TOP2B: variants seen among roughly 807,000 people sequenced by gnomAD.
TOP2B encodes the protein DNA topoisomerase II beta, also known as DNA topoisomerase 2-beta.
Under a neutral mutation model 193.5 loss-of-function variants are expected in TOP2B, and 51 were observed. The ratio of observed to expected loss-of-function variants is 0.26; its 90% CI spans 0.21 to 0.33. TOP2B has a LOEUF of 0.33. TOP2B is among the 10% of genes least tolerant of loss of function. The pLI is 1.00. For synonymous variants in TOP2B, 634 were observed against 635.7 expected, an observed-to-expected ratio of 1.00 and a Z score of 0.04; for missense variants, 1,378 against 1,909.3, an observed-to-expected ratio of 0.72 and a Z score of 5.19.
intron 1 of TOP2B, among the ~76,000 whole-genome samples, chr3:25,651,765 G>C (rs1703596727): frequency 6.6e-6 from 1 of 151,902 alleles, no homozygotes; most frequent in Admixed American, 6.6e-5. Flanking sequence ...TACTCGGGAG[G>C]CTGAGGCAGA....
chr3:25,634,698 C>T (rs1251390036), intron 7 of TOP2B, among the ~76,000 whole-genome samples: 1 of 151,112 alleles, frequency 6.6e-6, no homozygotes, highest in Non-Finnish European at 1.5e-5. Context: ...CTAGAGGTTT[C>T]CCCTCTGCAC....
chr3:25,628,809 T>C (rs1702878545), intron 15 of TOP2B, 38 bp downstream of exon 15: 1 of 1,213,978 alleles, frequency 8.2e-7, no homozygotes, highest in Non-Finnish European at 1.2e-6. Flanking sequence ...AATACATTTA[T>C]ATCAGTATTT....
Position 25,609,557 on chromosome 3 carries a change from T to C in TOP2B, c.3931+11A>G. The C allele has an allele frequency of 6.2e-7, 1 of 1,604,194 alleles. No individual in the cohort carries two copies. Among genetic ancestry groups the C allele is most frequent in the Non-Finnish European group, 8.5e-7 (1 of 1,174,942 alleles). ...CTCTCACACACATGCAAAACTATAATCATTTCTCACCAGGCTCCTTCTTCT... is the reference window on the plus strand; with the variant it reads ...CTCTCACACACATGCAAAACTATAACCATTTCTCACCAGGCTCCTTCTTCT... On this transcript the variant is annotated intron_variant, in intron 29 of 35. Coordinates refer to ENST00000264331, the MANE Select transcript of TOP2B (RefSeq NM_001330700.2).
At chr3:25,653,698 G>A (rs1360756141) in intron 1 of TOP2B, among the ~76,000 whole-genome samples, 1 of 152,116 alleles carries the variant, frequency 6.6e-6, no homozygotes, top group Non-Finnish European at 1.5e-5. Flanking sequence ...CCAAAGTGCT[G>A]GGATTACAGG....
At chr3:25,655,882 G>A (rs1421000704) in intron 1 of TOP2B, among the ~76,000 whole-genome samples, 3 of 152,196 alleles carry the variant, frequency 2.0e-5, no homozygotes, top group Non-Finnish European at 4.4e-5. Context: ...GCTGGGGGGA[G>A]AGGGAATTAG....
chr3:25,618,687 T>A lies in TOP2B; in HGVS notation c.3226A>T (p.Ile1076Phe), dbSNP rs1702577076. ...STKLNNQARF[I>F]LEKIQGKITI... ...ATTTTCCCTTGTATCTTCTCTAAAA[T>A]GAAACGGGCTTGATTGTTAAGCTTT... The change falls in exon 24 of 36, where the codon ATT becomes TTT. Residue 1076 changes from isoleucine to phenylalanine, a missense_variant. Ile to Phe is a conservative substitution (Grantham distance 21). Around this residue, in one of 9 missense-constraint regions of TOP2B, gnomAD observed 379 missense variants for 615.1 expected, o/e 0.62. Coordinates refer to ENST00000264331, the MANE Select transcript of TOP2B (RefSeq NM_001330700.2). 1 of 1,612,252 alleles carries A rather than the reference T, an allele frequency of 6.2e-7. No individual in the cohort carries two copies.
At chr3:25,633,098 T>C (rs926384018) in intron 8 of TOP2B, among the ~76,000 whole-genome samples, 7 of 152,068 alleles carry the variant, frequency 4.6e-5, no homozygotes, top group African/African-American at 1.7e-4. Context: ...TGTAATTCAA[T>C]TTTGATACTA....
intron 33 of TOP2B, 86 bp downstream of exon 33, chr3:25,604,674 T>A: frequency 8.8e-7 from 1 of 1,134,332 alleles, no homozygotes; most frequent in South Asian, 1.4e-5. Context: ...GATAAAAAAA[T>A]GCAAATAGTT....
chr3:25,614,804 T>A (rs904464561), intron 27 of TOP2B, among the ~76,000 whole-genome samples: 1 of 152,038 alleles, frequency 6.6e-6, no homozygotes, highest in Admixed American at 6.6e-5. Context: ...AAAAACTATG[T>A]TATAACAATC....
intron 33 of TOP2B, among the ~76,000 whole-genome samples, chr3:25,602,166 C>G (rs1440786789): frequency 6.6e-6 from 1 of 152,056 alleles, no homozygotes; most frequent in Non-Finnish European, 1.5e-5. Flanking sequence ...GAGGCCAAGG[C>G]AGGCGGATCA....
intron 34 of TOP2B, 100 bp from the exon 35 acceptor site, chr3:25,599,629 G>C (rs917188033): frequency 9.2e-7 from 1 of 1,090,158 alleles, no homozygotes; most frequent in African/African-American, 1.6e-5. Context: ...TGCCCAATCA[G>C]TGGAGCATTG....
In TOP2B at chr3:25,626,884, G is replaced by A. The variant is rs767039801; in HGVS notation, c.2017-20C>T. On this transcript the variant is annotated intron_variant, in intron 16 of 35. Coordinates refer to ENST00000264331, the MANE Select transcript of TOP2B (RefSeq NM_001330700.2). ...AAATGCCTGAAAGATTCCAGGTAAC[G>A]ATTTTGCACATTAAAAATAAAATAA... 8.6e-6 allele frequency: 12 copies of A among 1,395,672 alleles called. No individual in the cohort carries two copies. Among genetic ancestry groups the A allele is most frequent in the East Asian group, 7.1e-5 (3 of 42,398 alleles). 86.5% of individuals were successfully genotyped at this position (1,395,672 alleles called of 1,614,324 possible).
chr3:25,599,577 A>G, intron 34 of TOP2B, 48 bp from the exon 35 acceptor site: 4 of 1,527,926 alleles, frequency 2.6e-6, no homozygotes, highest in African/African-American at 2.7e-5. Flanking sequence ...AGTGCAATAT[A>G]AAAAGATAAA....
At chr3:25,644,340 C>A (rs769365210) in intron 2 of TOP2B, among the ~76,000 whole-genome samples, 1 of 152,090 alleles carries the variant, frequency 6.6e-6, no homozygotes, top group African/African-American at 2.4e-5. Context: ...AAGCAGTAAA[C>A]AATAGTCAGT....
In TOP2B at chr3:25,642,440, T is replaced by G. The variant is rs1056870114; in HGVS notation, c.332-55A>C. On this transcript the variant is annotated intron_variant, in intron 3 of 35. Coordinates refer to ENST00000264331, the MANE Select transcript of TOP2B (RefSeq NM_001330700.2). ...ATACAAAATTATATAAATAAATACA[T>G]GGACACAACTGTATGTGCATCACTG... 8.7e-5 allele frequency: 95 copies of G among 1,097,430 alleles called. 1 individual carries two copies. The highest frequency in any genetic ancestry group is 4.5e-4 in the Middle Eastern group (2 of 4,486). 68.0% of individuals were successfully genotyped at this position (1,097,430 alleles called of 1,614,324 possible).
chr3:25,623,240 T>C (rs1193807514), intron 21 of TOP2B, among the ~76,000 whole-genome samples: 3 of 152,192 alleles, frequency 2.0e-5, no homozygotes, highest in East Asian at 1.9e-4. Context: ...AAGGATTGTT[T>C]TCTAATAATA....
intron 25 of TOP2B, among the ~76,000 whole-genome samples, chr3:25,617,925 C>G (rs1214760768): frequency 6.6e-6 from 1 of 152,144 alleles, no homozygotes; most frequent in Non-Finnish European, 1.5e-5. Context: ...AAAATCTAAG[C>G]ATGAGGCAGA....
At position 25,603,878 on chromosome 3, in the gene TOP2B, CA is replaced by C. The variant is rs368518263; in HGVS notation, c.4489+881del. Among the ~76,000 whole-genome samples, 435 of 152,256 alleles carry C rather than the reference CA, an allele frequency of 2.9e-3. 1 individual carries two copies. The highest frequency in any genetic ancestry group is 9.6e-3 in the African/African-American group (399 of 41,546). ...TCTGCTAGTTAAAGGCAGCTGGGAG[CA>C]GGGGGGTGTTAATATTCCAGCACAG... On this transcript the variant is annotated intron_variant, in intron 33 of 35. Transcript: ENST00000264331.
rs1703099896 is a variant in TOP2B, at chr3:25,636,157, G to T, written c.640-9C>A. ...ATATTATTCATCCATGTCTTTAAAA[G>T]AAAAAAATTCAAATATTTCTATAAT... On this transcript the variant is annotated splice_polypyrimidine_tract_variant and intron_variant, in intron 6 of 35. Coordinates refer to ENST00000264331, the MANE Select transcript of TOP2B (RefSeq NM_001330700.2). 5.2e-6 allele frequency: 8 copies of T among 1,528,076 alleles called. No individual in the cohort carries two copies. Among genetic ancestry groups the T allele is most frequent in the Non-Finnish European group, 6.2e-6 (7 of 1,129,698 alleles). 94.7% of individuals were successfully genotyped at this position (1,528,076 alleles called of 1,614,324 possible). A position where few individuals can be genotyped will look rare whatever the true frequency, so the allele number is the denominator to read the frequency against.
Sources: allele counts gnomAD v4.1 joint callset (sites outside exome capture counted in the v4.1 genomes callset), GRCh38; gene constraint gnomAD v4.1.1; regional missense constraint gnomAD v4.1.1; transcripts MANE v1.5; gene names NCBI Gene and HGNC (gene_info 2026-07-23, HGNC 2026-07-21).